The following LRRC7 variants were observed in gnomAD, a reference collection of about 807,000 sequenced individuals.
LRRC7 encodes leucine-rich repeat-containing protein 7.
A neutral mutation model predicts 175.7 loss-of-function variants in LRRC7; 23 were observed. The ratio of observed to expected loss-of-function variants is 0.13; its 90% CI spans 0.09 to 0.19. The LOEUF (loss-of-function observed/expected upper bound fraction) is 0.19, where lower values mean the gene tolerates loss of function less well. Among genes scored for constraint, LRRC7 ranks in the 10% least tolerant of loss-of-function variants. The pLI is 1.00. For missense variants in LRRC7, 1,354 were observed against 1,904.7 expected (o/e 0.71, Z 5.38); for synonymous variants, 685 against 680.9 (o/e 1.01, Z -0.09).
At chr1:69,905,297 T>C (rs1027910977) in intron 7 of LRRC7, among the ~76,000 whole-genome samples, 21 of 152,202 alleles carry the variant, frequency 1.4e-4, no homozygotes, top group African/African-American at 4.8e-4. Context: ...AGGGTACATG[T>C]GCACAATGTG....
At chr1:70,045,864 A>G (rs764211981) in intron 22 of LRRC7, among the ~76,000 whole-genome samples, 9 of 151,734 alleles carry the variant, frequency 5.9e-5, no homozygotes, top group Non-Finnish European at 1.3e-4. Flanking sequence ...ATCAGATCTC[A>G]TGAGACTTAT....
At chr1:69,938,066 A>G (rs931827698) in intron 8 of LRRC7, among the ~76,000 whole-genome samples, 25 of 152,134 alleles carry the variant, frequency 1.6e-4, no homozygotes, top group Admixed American at 4.6e-4. Context: ...AAACATTGAA[A>G]TGATAGCAGC....
intron 24 of LRRC7, among the ~76,000 whole-genome samples, chr1:70,086,361 T>C (rs1464819006): frequency 1.3e-5 from 2 of 152,216 alleles, no homozygotes; most frequent in East Asian, 1.9e-4. Context: ...TAGAGTAAGA[T>C]TAACACAGAC....
chr1:70,105,757 A>T (rs1381547501), intron 25 of LRRC7, among the ~76,000 whole-genome samples: 1 of 152,180 alleles, frequency 6.6e-6, no homozygotes, highest in African/African-American at 2.4e-5. Flanking sequence ...TGTATATTGC[A>T]TATTTGTCCA....
chr1:69,583,701 T>C (rs929140283), intron 1 of LRRC7, among the ~76,000 whole-genome samples: 1 of 152,192 alleles, frequency 6.6e-6, no homozygotes, highest in Non-Finnish European at 1.5e-5. Context: ...ATAGGCATTA[T>C]TCGTTATTTT....
chr1:70,006,926 G>C (rs929991794), intron 11 of LRRC7, among the ~76,000 whole-genome samples: 6 of 152,214 alleles, frequency 3.9e-5, no homozygotes, highest in Non-Finnish European at 8.8e-5. Flanking sequence ...AGGTGTGTGA[G>C]AAGGGATGAG....
intron 18 of LRRC7, 86 bp from the exon 19 acceptor site, chr1:70,036,035 A>G (rs1659280275): frequency 1.0e-6 from 1 of 974,802 alleles, no homozygotes; most frequent in Non-Finnish European, 1.5e-6. Context: ...ACATTTTTTA[A>G]TCTGAGCCAA....
At chr1:69,717,770 A>AAAAGAAAGAAAGAAAGAAAGAAAGAAAG (rs754971717) in intron 2 of LRRC7, among the ~76,000 whole-genome samples, 1 of 42,392 alleles carries the variant, frequency 2.4e-5, no homozygotes. Context: ...AAAAAAGAAA[A>AAAAGAAAGAAAGAAAGAAAGAAAGAAAG]AAAGAAAGAA....
intron 7 of LRRC7, among the ~76,000 whole-genome samples, chr1:69,853,121 A>G (rs989185614): frequency 6.6e-6 from 1 of 152,130 alleles, no homozygotes; most frequent in African/African-American, 2.4e-5. Flanking sequence ...TGAGAAAAAA[A>G]CTAATAAATT....
chr1:69,735,414 A>T (rs1399123905), intron 2 of LRRC7, among the ~76,000 whole-genome samples: 1 of 151,882 alleles, frequency 6.6e-6, no homozygotes, highest in Non-Finnish European at 1.5e-5. Context: ...TTATTTCTTC[A>T]TTATTGTATT....
chr1:69,668,510 G>A (rs532861860), intron 1 of LRRC7, among the ~76,000 whole-genome samples: 23 of 152,270 alleles, frequency 1.5e-4, no homozygotes, highest in African/African-American at 4.1e-4. Flanking sequence ...ATTCCATGGC[G>A]TATATGTGCC....
At chr1:70,052,965 C>G in intron 22 of LRRC7, 61 bp from the exon 23 acceptor site, 1 of 1,468,340 alleles carries the variant, frequency 6.8e-7, no homozygotes. Context: ...GGACTCTTTT[C>G]AGAAAACTAT....
intron 7 of LRRC7, among the ~76,000 whole-genome samples, chr1:69,856,119 A>C (rs1162830656): frequency 1.3e-5 from 2 of 152,144 alleles, no homozygotes; most frequent in Admixed American, 6.6e-5. Context: ...CATTTAGCCC[A>C]TTTACATTTA....
In LRRC7 at chr1:69,670,762, G is replaced by A. The variant is rs147020952; in HGVS notation, c.3-7619G>A. On this transcript the variant is annotated intron_variant, in intron 1 of 26. Coordinates refer to ENST00000651989, the MANE Select transcript of LRRC7 (RefSeq NM_001370785.2). Reference sequence around the variant, plus strand: ...CCACTCTTCCCTCCTCTTTCCATTGGGAGAAGAGTCTTAGCCCATGGCCAC... The same window carrying A: ...CCACTCTTCCCTCCTCTTTCCATTGAGAGAAGAGTCTTAGCCCATGGCCAC... 8.9e-3 allele frequency among the ~76,000 whole-genome samples: 1,352 copies of A among 152,138 alleles called. 10 individuals are homozygous for A. Among genetic ancestry groups the A allele is most frequent in the Middle Eastern group, 0.031 (9 of 294 alleles).
At chr1:70,059,470 AGAAAGTGTGTGTGTGT>A (rs1661403326) in intron 23 of LRRC7, among the ~76,000 whole-genome samples, 1 of 128,092 alleles carries the variant, frequency 7.8e-6, no homozygotes, top group South Asian at 2.7e-4. Flanking sequence ...AGAAACTAGA[AGAAAGTGTGTGTGTGT>A]GTGTGTGTGT....
At chr1:69,872,512 T>C (rs570489717) in intron 7 of LRRC7, among the ~76,000 whole-genome samples, 2 of 152,192 alleles carry the variant, frequency 1.3e-5, no homozygotes, top group East Asian at 1.9e-4. Context: ...GTTACTTAAA[T>C]GATTTAATTC....
chr1:69,839,834 A>G (rs1413387336), intron 7 of LRRC7, among the ~76,000 whole-genome samples: 1 of 152,084 alleles, frequency 6.6e-6, no homozygotes, highest in Admixed American at 6.6e-5. Context: ...AAAACCTGAT[A>G]TAGATTGATA....
At chr1:70,064,423 A>C (rs1661812926) in intron 23 of LRRC7, among the ~76,000 whole-genome samples, 1 of 151,896 alleles carries the variant, frequency 6.6e-6, no homozygotes, top group South Asian at 2.1e-4. Context: ...TAGAGGTATG[A>C]AATTGAGCGA....
intron 8 of LRRC7, among the ~76,000 whole-genome samples, chr1:69,973,674 C>T (rs1652507575): frequency 6.6e-6 from 1 of 152,120 alleles, no homozygotes. Flanking sequence ...GGCTCACTGC[C>T]TCGTAGGTTC....
Sources: allele counts gnomAD v4.1 joint callset (sites outside exome capture counted in the v4.1 genomes callset), GRCh38; gene constraint gnomAD v4.1.1; transcripts MANE v1.5; gene names NCBI Gene and HGNC (gene_info 2026-07-23, HGNC 2026-07-21).